Variants in SLC14A2 observed in about 807,000 individuals in gnomAD.
SLC14A2 encodes the protein solute carrier family 14 member 2, also known as urea transporter 2.
SLC14A2 carries 91 observed loss-of-function variants against 104.6 expected under a neutral mutation model. The observed-to-expected ratio is 0.87, with a 90% confidence interval of 0.73 to 1.04. The LOEUF (loss-of-function observed/expected upper bound fraction) is 1.04, where lower values mean the gene tolerates loss of function less well. SLC14A2 is among the 50% of genes least tolerant of loss of function. The pLI is 0.00. For missense variants in SLC14A2, 1,189 were observed against 1,156.0 expected (o/e 1.03, Z -0.41); for synonymous variants, 476 against 466.4 (o/e 1.02, Z -0.27).
chr18:45,497,439 A>G (rs1280155996), intron 2 of SLC14A2, among the ~76,000 whole-genome samples: 1 of 152,234 alleles, frequency 6.6e-6, no homozygotes, highest in Non-Finnish European at 1.5e-5. Context: ...TTTCAGGCAG[A>G]GGGCAATACA....
At chr18:45,665,340 A>G (rs561466899) in intron 11 of SLC14A2, among the ~76,000 whole-genome samples, 2 of 152,318 alleles carry the variant, frequency 1.3e-5, no homozygotes, top group South Asian at 2.1e-4. Context: ...AGGGGCCTGA[A>G]CATCTTTCAG....
intron 16 of SLC14A2, among the ~76,000 whole-genome samples, chr18:45,672,406 G>A (rs1019141947): frequency 2.6e-5 from 4 of 152,052 alleles, no homozygotes; most frequent in African/African-American, 7.2e-5. Context: ...GCATATGCCT[G>A]TAATCCCAGC....
chr18:45,214,480 C>T (rs924288885), intron 1 of SLC14A2, among the ~76,000 whole-genome samples: 7 of 152,158 alleles, frequency 4.6e-5, no homozygotes, highest in African/African-American at 1.7e-4. Context: ...ATCTATTATT[C>T]CACAATGGCC....
chr18:45,269,702 T>A (rs1281747519), intron 1 of SLC14A2, among the ~76,000 whole-genome samples: 1 of 152,160 alleles, frequency 6.6e-6, no homozygotes, highest in Non-Finnish European at 1.5e-5. Context: ...ATATTTAGAC[T>A]TCATGTAACT....
chr18:45,318,121 C>T (rs1459891292), intron 1 of SLC14A2, among the ~76,000 whole-genome samples: 1 of 152,182 alleles, frequency 6.6e-6, no homozygotes, highest in African/African-American at 2.4e-5. Flanking sequence ...TTGAGACGCG[C>T]CTCTTTGGAG....
At chr18:45,546,728 C>A (rs1356111343) in intron 2 of SLC14A2, among the ~76,000 whole-genome samples, 1 of 152,218 alleles carries the variant, frequency 6.6e-6, no homozygotes, top group African/African-American at 2.4e-5. Context: ...ATTTCCTCAT[C>A]TGTAAAATGG....
At chr18:45,469,645 G>T (rs1437724245) in intron 1 of SLC14A2, among the ~76,000 whole-genome samples, 2 of 152,188 alleles carry the variant, frequency 1.3e-5, no homozygotes, top group African/African-American at 4.8e-5. Flanking sequence ...GCCTGGTGGG[G>T]GTTGGAGGCA....
upstream of SLC14A2, among the ~76,000 whole-genome samples, chr18:45,208,805 G>A (rs978565883): frequency 6.6e-6 from 1 of 152,016 alleles, no homozygotes; most frequent in Admixed American, 6.6e-5. Flanking sequence ...GAATCAATCA[G>A]ATAGAAAAAG....
intron 1 of SLC14A2, among the ~76,000 whole-genome samples, chr18:45,279,439 G>A (rs1426663074): frequency 6.6e-6 from 1 of 152,152 alleles, no homozygotes; most frequent in Non-Finnish European, 1.5e-5. Context: ...TTGACAACCT[G>A]TTGGAAAGCA....
intron 5 of SLC14A2, among the ~76,000 whole-genome samples, chr18:45,634,583 G>A (rs1268705652): frequency 6.6e-6 from 1 of 152,202 alleles, no homozygotes; most frequent in Non-Finnish European, 1.5e-5. Context: ...GCCCCCAACT[G>A]GGGAAGTGTG....
At chr18:45,176,223 A>G in the SLC14A2 span, among the ~76,000 whole-genome samples, 2 of 152,206 alleles carry the variant, frequency 1.3e-5, no homozygotes, top group East Asian at 3.9e-4. Context: ...GCAAATGCTA[A>G]TTCACTGAAT....
At chr18:45,629,413 T>C (rs984642301) in intron 4 of SLC14A2, among the ~76,000 whole-genome samples, 8 of 152,194 alleles carry the variant, frequency 5.3e-5, no homozygotes, top group African/African-American at 1.9e-4. Context: ...TCCTATTCCT[T>C]GTTCCCATGT....
intron 2 of SLC14A2, among the ~76,000 whole-genome samples, chr18:45,567,273 G>A (rs2044280828): frequency 6.6e-6 from 1 of 152,088 alleles, no homozygotes; most frequent in Non-Finnish European, 1.5e-5. Context: ...CAAGCCTGTG[G>A]GAAAAGGGCC....
chr18:45,421,269 T>A (rs1420275264), intron 1 of SLC14A2, among the ~76,000 whole-genome samples: 4 of 151,870 alleles, frequency 2.6e-5, no homozygotes, highest in South Asian at 2.1e-4. Context: ...TTTTTTTTTT[T>A]AATCAATTTC....
At chr18:45,488,865 G>A (rs187616806) in intron 2 of SLC14A2, among the ~76,000 whole-genome samples, 1 of 152,256 alleles carries the variant, frequency 6.6e-6, no homozygotes, top group African/African-American at 2.4e-5. Context: ...TCACTCCCTC[G>A]GGTCAGTGGT....
chr18:45,554,114 A>T (rs2044094080), intron 2 of SLC14A2, among the ~76,000 whole-genome samples: 1 of 152,274 alleles, frequency 6.6e-6, no homozygotes, highest in African/African-American at 2.4e-5. Flanking sequence ...TGAAGGCCGA[A>T]GCTTGCGGTA....
Position 45,627,018 on chromosome 18 carries a change from T to A in SLC14A2, c.392T>A (p.Phe131Tyr). ...CTGAGAGGGACCGCTCAGGTGATGT[T>A]CATCAACAATCCTCTCAGCGGCCTC... is the stretch of plus-strand genomic sequence containing the variant. ...WVLRGTAQVMFINNPLSGLII... is the reference protein window; with the variant it reads ...WVLRGTAQVMYINNPLSGLII... The change falls in exon 4 of 20, where the codon TTC becomes TAC. Residue 131 changes from phenylalanine to tyrosine, a missense_variant. Transcript: ENST00000255226. 6.2e-7 allele frequency: 1 copy of A among 1,613,130 alleles called. No individual in the cohort carries two copies. The highest frequency in any genetic ancestry group is 8.5e-7 in the Non-Finnish European group (1 of 1,179,990).
intron 1 of SLC14A2, among the ~76,000 whole-genome samples, chr18:45,326,076 C>T (rs2085231512): frequency 6.6e-6 from 1 of 152,210 alleles, no homozygotes; most frequent in Non-Finnish European, 1.5e-5. Flanking sequence ...CCCAGGCCTC[C>T]TGATTTCTAG....
Position 45,663,798 on chromosome 18 carries a change from G to A in SLC14A2, c.1365G>A (p.Glu455=), listed in dbSNP as rs1045716404. ...GCCCCTGGCTAGGAGGCGGTGGGGA[G>A]CATCCACCCACAGCAGGCCCAAAGG... ...EEKAPSGGGG[E]HPPTAGPKVE... Residue 455 remains glutamate (E), a synonymous_variant, in exon 11 of 20, where the codon GAG becomes GAA. Transcript: ENST00000255226. 7.4e-6 allele frequency: 12 copies of A among 1,612,602 alleles called. No individual in the cohort carries two copies. The highest frequency in any genetic ancestry group is 2.2e-5 in the East Asian group (1 of 44,836).
Sources: gnomAD v4.1 joint callset for allele counts (sites outside exome capture counted in the v4.1 genomes callset) on GRCh38, gnomAD v4.1.1 for gene constraint, MANE v1.5 for transcripts, NCBI Gene and HGNC (gene_info 2026-07-23, HGNC 2026-07-21) for gene names.